The following NRCAM variants were observed in gnomAD, a reference collection of about 807,000 sequenced individuals.
The protein encoded by NRCAM is NgCAM-related cell adhesion molecule.
NRCAM carries 83 observed loss-of-function variants against 156.5 expected under a neutral mutation model. The observed-to-expected ratio is 0.53, with a 90% CI of 0.44 to 0.64. The LOEUF is 0.64. Ranked by LOEUF, NRCAM falls within the 30% of genes least tolerant of loss-of-function variation. NRCAM has a pLI of 0.00. For missense variants in NRCAM, 1,417 were observed against 1,597.3 expected, an observed-to-expected ratio of 0.89 and a Z score of 1.92; for synonymous variants, 538 against 563.9, an observed-to-expected ratio of 0.95 and a Z score of 0.65.
At chr7:108,390,300 G>T (rs2099755521) in intron 2 of NRCAM, among the ~76,000 whole-genome samples, 1 of 152,058 alleles carries the variant, frequency 6.6e-6, no homozygotes, top group Non-Finnish European at 1.5e-5. Context: ...ATGTGTCGGG[G>T]AATTTATCCA....
intron 11 of NRCAM, among the ~76,000 whole-genome samples, chr7:108,218,573 A>G (rs529208454): frequency 4.6e-5 from 7 of 152,316 alleles, no homozygotes; most frequent in African/African-American, 1.7e-4. Context: ...AAGCCATGCA[A>G]AAACACGGAA....
chr7:108,357,826 T>C (rs2099516694), intron 2 of NRCAM, among the ~76,000 whole-genome samples: 1 of 152,198 alleles, frequency 6.6e-6, no homozygotes, highest in Non-Finnish European at 1.5e-5. Context: ...GTTTCTCTAG[T>C]TGGGTTTTCC....
chr7:108,188,386 T>TGTGA (rs2068620034), intron 20 of NRCAM, among the ~76,000 whole-genome samples: 1 of 151,984 alleles, frequency 6.6e-6, no homozygotes, highest in African/African-American at 2.4e-5. Flanking sequence ...CCTCTGTGTG[T>TGTGA]GTGTGTGTGT....
rs74685962 is a variant in NRCAM at position 108,181,773 on chromosome 7, C to T, written c.2646+49G>A. ...TGTGGTATGCATGACAAGTGGCATT[C>T]GCTGCAGCCCTTACTAAATAAAGCC... On this transcript the variant is annotated intron_variant, in intron 24 of 32. Transcript: ENST00000379028. The T allele has an allele frequency of 2.1e-3, 2,745 of 1,284,340 alleles. 45 individuals carry two copies. The African/African-American group carries it at 0.035, about 16-fold the overall frequency. The allele number at this position is 1,284,340 out of a possible 1,614,324, so 79.6% of individuals were successfully genotyped here.
At chr7:108,260,688 G>T (rs2096857527) in intron 3 of NRCAM, among the ~76,000 whole-genome samples, 2 of 152,206 alleles carry the variant, frequency 1.3e-5, no homozygotes, top group South Asian at 4.1e-4. Flanking sequence ...CAACATGGGA[G>T]TGTTGGGTGG....
intron 2 of NRCAM, among the ~76,000 whole-genome samples, chr7:108,364,426 CA>C (rs1337786788): frequency 7.2e-5 from 11 of 152,218 alleles, no homozygotes; most frequent in Non-Finnish European, 1.6e-4. Flanking sequence ...ATGGTATAGG[CA>C]CTTTGAAAAA....
chr7:108,314,228 G>T (rs1592949606), intron 2 of NRCAM, among the ~76,000 whole-genome samples: 2 of 152,248 alleles, frequency 1.3e-5, no homozygotes, highest in East Asian at 3.9e-4. Flanking sequence ...TGTATTAATT[G>T]TATTACCATG....
intron 3 of NRCAM, among the ~76,000 whole-genome samples, chr7:108,248,006 T>C (rs375706999): frequency 3.3e-5 from 5 of 152,194 alleles, no homozygotes; most frequent in African/African-American, 1.2e-4. Context: ...GTCTGAGAAA[T>C]GAAAATTTAA....
intron 1 of NRCAM, among the ~76,000 whole-genome samples, chr7:108,402,786 A>C (rs1340631038): frequency 6.6e-6 from 1 of 152,176 alleles, no homozygotes; most frequent in Admixed American, 6.5e-5. Flanking sequence ...AGGAGTGAGC[A>C]CCTTAGAGGC....
At chr7:108,304,925 A>T (rs1023066005) in intron 3 of NRCAM, among the ~76,000 whole-genome samples, 1 of 152,222 alleles carries the variant, frequency 6.6e-6, no homozygotes, top group Non-Finnish European at 1.5e-5. Flanking sequence ...ATTATAATGT[A>T]GGTATTTGAA....
intron 3 of NRCAM, among the ~76,000 whole-genome samples, chr7:108,299,113 A>G (rs1334655019): frequency 4.4e-5 from 4 of 90,524 alleles, no homozygotes; most frequent in African/African-American, 1.8e-4. Context: ...CTCAAAAAAA[A>G]AAAAGAAAGA....
At chr7:108,336,652 T>A (rs1300095137) in intron 2 of NRCAM, among the ~76,000 whole-genome samples, 1 of 152,158 alleles carries the variant, frequency 6.6e-6, no homozygotes, top group Non-Finnish European at 1.5e-5. Flanking sequence ...CCAACCTAAT[T>A]CTATAGAGAT....
In NRCAM at chr7:108,248,749, T is replaced by C. The variant is rs116624042; in HGVS notation, c.-106-8579A>G. 9.8e-3 allele frequency among the ~76,000 whole-genome samples: 1,491 copies of C among 152,244 alleles called. 28 individuals carry two copies. Among genetic ancestry groups the C allele is most frequent in the African/African-American group, 0.034 (1,392 of 41,524 alleles). The stretch of plus-strand genomic sequence containing the variant: ...GCACACAACTTTTGCTCACAACCCA[T>C]TGACCAGAAGTAGTCAATGACTCCA... On this transcript the variant is annotated intron_variant, in intron 3 of 32. Coordinates refer to ENST00000379028, the MANE Select transcript of NRCAM (RefSeq NM_001037132.4).
intron 11 of NRCAM, among the ~76,000 whole-genome samples, chr7:108,223,196 C>T (rs1308202680): frequency 2.0e-5 from 3 of 152,098 alleles, no homozygotes; most frequent in Admixed American, 6.5e-5. Flanking sequence ...AGTTAACAGC[C>T]AGTAGACCCC....
chr7:108,324,877 C>CATTTTTTTTTTTTTTTTTTTTTT lies in NRCAM; in HGVS notation c.-173-12147_-173-12146insAAAAAAAAAAAAAAAAAAAAAAT, dbSNP rs201240389. Among the ~76,000 whole-genome samples the CATTTTTTTTTTTTTTTTTTTTTT allele has an allele frequency of 1.6e-4, 13 of 82,676 alleles. 1 individual carries two copies. The highest frequency in any genetic ancestry group is 1.0e-4 in the African/African-American group (2 of 19,532). 54.2% of individuals were successfully genotyped at this position (82,676 alleles called of 152,430 possible). The stretch of plus-strand genomic sequence containing the variant: ...TGTTTGTGTAATATTTGGCACTGTA[C>CATTTTTTTTTTTTTTTTTTTTTT]TTTTTTTTTTTTTTTTTTTTTTTTT... On this transcript the variant is annotated intron_variant, in intron 2 of 32. Coordinates refer to ENST00000379028, the MANE Select transcript of NRCAM (RefSeq NM_001037132.4).
At chr7:108,173,906 ACGTGACAAGTCC>A (rs2152135253) in intron 28 of NRCAM, among the ~76,000 whole-genome samples, 1 of 152,284 alleles carries the variant, frequency 6.6e-6, no homozygotes, top group South Asian at 2.1e-4. Context: ...TCTACTTCTA[ACGTGACAAGTCC>A]ACTGAGAATT....
chr7:108,428,103 G>A (rs879777112), intron 1 of NRCAM, among the ~76,000 whole-genome samples: 5 of 152,090 alleles, frequency 3.3e-5, no homozygotes, highest in Admixed American at 1.3e-4. Flanking sequence ...AAGGAGAAAC[G>A]TTTTAGAACT....
chr7:108,357,099 G>A (rs1344600228), intron 2 of NRCAM, among the ~76,000 whole-genome samples: 1 of 152,182 alleles, frequency 6.6e-6, no homozygotes, highest in African/African-American at 2.4e-5. Flanking sequence ...CAGCCTTCCA[G>A]TCTATGATAT....
intron 2 of NRCAM, among the ~76,000 whole-genome samples, chr7:108,386,777 A>G (rs1055427357): frequency 6.6e-6 from 1 of 152,190 alleles, no homozygotes; most frequent in African/African-American, 2.4e-5. Flanking sequence ...GAATGTGGAT[A>G]TAGTGATTAT....
Sources: gnomAD v4.1 joint callset for allele counts (sites outside exome capture counted in the v4.1 genomes callset) on GRCh38, gnomAD v4.1.1 for gene constraint, MANE v1.5 for transcripts, NCBI Gene and HGNC (gene_info 2026-07-23, HGNC 2026-07-21) for gene names.